Variants in MAML3 observed in about 807,000 individuals in gnomAD.
The protein encoded by MAML3 is mastermind-like protein 3.
In MAML3, 27 loss-of-function variants were observed where a neutral mutation model predicts 101.9. That is an observed-to-expected ratio of 0.27 (90% CI 0.20 to 0.37). The LOEUF is 0.37. Among genes scored for constraint, MAML3 ranks in the 10% least tolerant of loss-of-function variants. MAML3 has a pLI of 1.00. For synonymous variants in MAML3, 501 were observed against 555.9 expected (o/e 0.90, Z 1.39); for missense variants, 1,316 against 1,444.9 (o/e 0.91, Z 1.45).
At chr4:140,099,064 G>C (rs755797404) in intron 1 of MAML3, among the ~76,000 whole-genome samples, 8 of 152,130 alleles carry the variant, frequency 5.3e-5, no homozygotes, top group African/African-American at 9.7e-5. Context: ...AATCAGTTAT[G>C]AGGCCAAGAA....
chr4:139,889,272 A>G, intron 2 of MAML3, 85 bp downstream of exon 2: 12 of 1,610,942 alleles, frequency 7.4e-6, no homozygotes, highest in Non-Finnish European at 9.3e-6. Flanking sequence ...ACCCCACTAC[A>G]GTGGAAGCTT....
chr4:139,921,446 C>G (rs1382286333), intron 1 of MAML3, among the ~76,000 whole-genome samples: 3 of 152,170 alleles, frequency 2.0e-5, no homozygotes, highest in Non-Finnish European at 2.9e-5. Flanking sequence ...CCACCATTCC[C>G]TCAGTGCAAA....
Position 139,718,353 on chromosome 4 carries a change from G to A in MAML3, c.*970C>T, listed in dbSNP as rs953722903. ...TGCCCAAGGCTCCCTAAAGACATAA[G>A]CTTCACTTCTTGGATAGTCTGTAAG... is the stretch of plus-strand genomic sequence containing the variant. On this transcript the variant is annotated 3_prime_UTR_variant, in exon 5 of 5. Coordinates refer to ENST00000509479, the MANE Select transcript of MAML3 (RefSeq NM_018717.5). The A allele has an allele frequency of 2.0e-5, 3 of 152,188 alleles. No homozygotes were observed. Among genetic ancestry groups the A allele is most frequent in the African/African-American group, 4.8e-5 (2 of 41,432 alleles). The allele number at this position is 152,188 out of a possible 1,614,324, so 9.4% of individuals were successfully genotyped here.
intron 1 of MAML3, among the ~76,000 whole-genome samples, chr4:140,091,537 C>CAAAAAAAAAAAAAAAAAAAAAA (rs570700966): frequency 8.4e-5 from 6 of 71,600 alleles, no homozygotes; most frequent in African/African-American, 1.9e-4. Flanking sequence ...AACAACAAAA[C>CAAAAAAAAAAAAAAAAAAAAAA]AAAAACAAAA....
intron 1 of MAML3, among the ~76,000 whole-genome samples, chr4:140,010,622 T>C (rs1157837275): frequency 5.3e-5 from 8 of 152,234 alleles, no homozygotes; most frequent in African/African-American, 1.9e-4. Flanking sequence ...CTTGAACTTA[T>C]TTTGTTGAGT....
intron 1 of MAML3, among the ~76,000 whole-genome samples, chr4:140,065,852 C>A (rs962987008): frequency 2.0e-5 from 3 of 152,210 alleles, no homozygotes; most frequent in Non-Finnish European, 2.9e-5. Context: ...CTCCATCAAA[C>A]AGGAAGGTCC....
At position 140,112,178 on chromosome 4, in the gene MAML3, T is replaced by A. The variant is rs181583839; in HGVS notation, c.468+40682A>T. The stretch of plus-strand genomic sequence containing the variant: ...AATTATTATTTTATTTAATTGGTTA[T>A]AATTCATTACCATATTTATTTTGAT... On this transcript the variant is annotated intron_variant, in intron 1 of 4. Transcript: ENST00000509479. 6.7e-3 allele frequency among the ~76,000 whole-genome samples: 1,018 copies of A among 152,360 alleles called. 10 individuals carry two copies. The highest frequency in any genetic ancestry group is 6.7e-3 in the Non-Finnish European group (456 of 68,036).
intron 2 of MAML3, among the ~76,000 whole-genome samples, chr4:139,806,765 T>C (rs1349823953): frequency 6.6e-6 from 1 of 152,198 alleles, no homozygotes; most frequent in Non-Finnish European, 1.5e-5. Context: ...TCAGGTTTTA[T>C]AAAGAATGTT....
chr4:139,885,919 C>G (rs62344935), intron 2 of MAML3, among the ~76,000 whole-genome samples: 12 of 7,038 alleles, frequency 1.7e-3, no homozygotes, highest in Admixed American at 3.3e-3. Flanking sequence ...GGCGACAGGG[C>G]AAGACTCCGT....
Position 140,153,223 on chromosome 4 carries a change from A to G in MAML3, c.105T>C (p.Asn35=). Residue 35 remains asparagine, a synonymous_variant, in exon 1 of 5, where the codon AAT becomes AAC. Transcript: ENST00000509479. ...GAGCAGCGGGAGTACTATTGGGAGT[A>G]TTATTCACACCGATCCCGGCCCCGC... The part of the protein sequence containing the change: ...SLGGAGIGVN[N]TPNSTPAAPS... 6.4e-7 allele frequency: 1 copy of G among 1,573,570 alleles called. No individual in the cohort carries two copies.
At chr4:139,999,767 G>C (rs572349572) in intron 1 of MAML3, among the ~76,000 whole-genome samples, 4 of 152,148 alleles carry the variant, frequency 2.6e-5, no homozygotes, top group Non-Finnish European at 5.9e-5. Context: ...GAACCAACTC[G>C]AAACTGTGGA....
At chr4:139,985,537 T>C (rs1186352076) in intron 1 of MAML3, among the ~76,000 whole-genome samples, 1 of 152,278 alleles carries the variant, frequency 6.6e-6, no homozygotes, top group Non-Finnish European at 1.5e-5. Context: ...AAATAGATTG[T>C]AAGCAACAGT....
intron 1 of MAML3, among the ~76,000 whole-genome samples, chr4:139,923,007 A>G (rs1733155803): frequency 6.6e-6 from 1 of 152,200 alleles, no homozygotes; most frequent in African/African-American, 2.4e-5. Context: ...CCCAGTGCTC[A>G]GAAGGGGAGG....
intron 1 of MAML3, among the ~76,000 whole-genome samples, chr4:139,952,380 A>G (rs72712547): frequency 0.033 from 5,024 of 152,124 alleles, 127 homozygotes; most frequent in Non-Finnish European, 0.052. Context: ...CAGTTCTGGG[A>G]CCTGGGGTTA....
At chr4:140,050,183 T>G (rs1207609866) in intron 1 of MAML3, among the ~76,000 whole-genome samples, 6 of 152,120 alleles carry the variant, frequency 3.9e-5, no homozygotes, top group Admixed American at 1.3e-4. Flanking sequence ...TTAATAGAAT[T>G]TGCCTTCCCC....
intron 2 of MAML3, among the ~76,000 whole-genome samples, chr4:139,775,431 C>T (rs879525747): frequency 1.3e-5 from 2 of 152,118 alleles, no homozygotes; most frequent in Non-Finnish European, 2.9e-5. Context: ...GACACATTAG[C>T]TGGCCCTTGC....
intron 1 of MAML3, among the ~76,000 whole-genome samples, chr4:139,932,176 TC>T (rs1392304134): frequency 2.8e-5 from 2 of 71,190 alleles, no homozygotes; most frequent in African/African-American, 2.7e-4. Context: ...AGTAACTTTC[TC>T]CTCAGATTTT....
intron 2 of MAML3, among the ~76,000 whole-genome samples, chr4:139,867,843 T>C (rs1435596827): frequency 1.3e-5 from 2 of 152,352 alleles, no homozygotes; most frequent in African/African-American, 4.8e-5. Context: ...GTCCATCCCC[T>C]GGCTGAGGCC....
chr4:140,031,714 G>C (rs1158343551), intron 1 of MAML3, among the ~76,000 whole-genome samples: 2 of 152,090 alleles, frequency 1.3e-5, no homozygotes, highest in African/African-American at 4.8e-5. Context: ...ACTTTCATAG[G>C]GTTAGTCATC....
Sources: allele counts gnomAD v4.1 joint callset (sites outside exome capture counted in the v4.1 genomes callset), GRCh38; gene constraint gnomAD v4.1.1; transcripts MANE v1.5; gene names NCBI Gene and HGNC (gene_info 2026-07-23, HGNC 2026-07-21).